STX11: variants seen among roughly 807,000 people sequenced by gnomAD.
STX11 encodes syntaxin-11.
In STX11, 21 loss-of-function variants were observed where a neutral mutation model predicts 19.9. The ratio of observed to expected loss-of-function variants is 1.06; its 90% confidence interval spans 0.75 to 1.52. The LOEUF (loss-of-function observed/expected upper bound fraction) is 1.52, where lower values mean the gene tolerates loss of function less well. Ranked by LOEUF, STX11 falls within the 40% of genes most tolerant of loss-of-function variation. STX11 has a pLI of 0.00. For synonymous variants in STX11, 193 were observed against 174.4 expected (o/e 1.11, Z -0.84); for missense variants, 438 against 405.9 (o/e 1.08, Z -0.68).
chr6:144,186,263 A>G (rs1479998997), intron 1 of STX11, among the ~76,000 whole-genome samples: 1 of 150,924 alleles, frequency 6.6e-6, no homozygotes, highest in Non-Finnish European at 1.5e-5. Flanking sequence ...ACAGGTATAC[A>G]TATGTAACAA....
rs905810219 is a variant in STX11, at chr6:144,167,862, C to T, written c.-6+17159C>T. 1.3e-5 allele frequency among the ~76,000 whole-genome samples: 2 copies of T among 152,178 alleles called. No homozygotes were observed. Among genetic ancestry groups the T allele is most frequent in the African/African-American group, 4.8e-5 (2 of 41,440 alleles). Reference sequence around the variant, plus strand: ...TCTTGAACTCCTTGACTCAAACAGCCTGCCTGCCTAAGCCTCCCAAAGTGC... The same window carrying T: ...TCTTGAACTCCTTGACTCAAACAGCTTGCCTGCCTAAGCCTCCCAAAGTGC... On this transcript the variant is annotated intron_variant, in intron 1 of 1. Coordinates refer to ENST00000367568, the MANE Select transcript of STX11 (RefSeq NM_003764.4). This position sits in a 1 kb window ranked among gnomAD's most constrained non-coding sequence, Gnocchi z 5.0.
chr6:144,184,778 C>T lies in STX11; in HGVS notation c.-5-1845C>T, dbSNP rs906428949. 4.1e-4 allele frequency among the ~76,000 whole-genome samples: 63 copies of T among 152,132 alleles called. No homozygotes were observed. Among genetic ancestry groups the T allele is most frequent in the Admixed American group, 3.6e-3 (55 of 15,274 alleles). ...GAAAATATCAGGCATATATAACATA[C>T]GTTTATGTTCTCTGTCATTTACATC... On this transcript the variant is annotated intron_variant, in intron 1 of 1. Coordinates refer to ENST00000367568, the MANE Select transcript of STX11 (RefSeq NM_003764.4). This position sits in a 1 kb window ranked among gnomAD's most constrained non-coding sequence, Gnocchi z 6.5.
At chr6:144,163,204 A>G (rs573165123) in intron 1 of STX11, among the ~76,000 whole-genome samples, 1 of 152,304 alleles carries the variant, frequency 6.6e-6, no homozygotes, top group Non-Finnish European at 1.5e-5. Flanking sequence ...TTTGGTTTCA[A>G]CTGTGTCTAC....
rs1222883956 is a variant in STX11 at position 144,172,055 on chromosome 6, T to C, written c.-5-14568T>C. 6.6e-6 allele frequency among the ~76,000 whole-genome samples: 1 copy of C among 152,210 alleles called. No individual in the cohort carries two copies. The highest frequency in any genetic ancestry group is 2.4e-5 in the African/African-American group (1 of 41,462). On this transcript the variant is annotated intron_variant, in intron 1 of 1. Coordinates refer to ENST00000367568, the MANE Select transcript of STX11 (RefSeq NM_003764.4). The surrounding 1 kb of genome is among the most constrained non-coding windows in gnomAD (Gnocchi z 4.2). The stretch of plus-strand genomic sequence containing the variant: ...GAATTTACTTTCCAGAAATTATAAT[T>C]TATCCATGATTCACAGCAGCCTCCA...
chr6:144,187,006 A>T lies in STX11; in HGVS notation c.379A>T (p.Ile127Phe). Residue 127 changes from isoleucine to phenylalanine, a missense_variant, in exon 2 of 2, where the codon ATT (isoleucine) becomes TTT (phenylalanine). Transcript: ENST00000367568. This position sits in a 1 kb window ranked among gnomAD's most constrained non-coding sequence, Gnocchi z 5.6. Reference protein sequence around the residue: ...QHGPHSAVARISRAQYNALTL... With the variant: ...QHGPHSAVARFSRAQYNALTL... ...CGGCCCGCACTCGGCAGTGGCGCGCATTTCGCGGGCGCAGTACAACGCGCT... is the reference window on the plus strand; with the variant it reads ...CGGCCCGCACTCGGCAGTGGCGCGCTTTTCGCGGGCGCAGTACAACGCGCT... The T allele has an allele frequency of 1.2e-6, 2 of 1,610,992 alleles. No individual in the cohort carries two copies. Among genetic ancestry groups the T allele is most frequent in the Non-Finnish European group, 1.7e-6 (2 of 1,179,754 alleles).
chr6:144,186,054 CTTTT>C (rs59082171), intron 1 of STX11, among the ~76,000 whole-genome samples: 1 of 138,290 alleles, frequency 7.2e-6, no homozygotes, highest in Non-Finnish European at 1.6e-5. Context: ...CTTCTTTTTT[CTTTT>C]TTTTTTTTTC....
rs148176592 is a variant in STX11 at position 144,191,561 on chromosome 6, C to A, written c.*4070C>A. On this transcript the variant is annotated 3_prime_UTR_variant, in exon 2 of 2. Coordinates refer to ENST00000367568, the MANE Select transcript of STX11 (RefSeq NM_003764.4). ...AAAAAAAAAATAGGGTAACTATAGTCTTGATTTTTATGTATAAATTCTATC... is the reference window on the plus strand; with the variant it reads ...AAAAAAAAAATAGGGTAACTATAGTATTGATTTTTATGTATAAATTCTATC... 2.4e-3 allele frequency among the ~76,000 whole-genome samples: 364 copies of A among 151,450 alleles called. 2 individuals are homozygous for A. Among genetic ancestry groups the A allele is most frequent in the African/African-American group, 7.9e-3 (325 of 41,258 alleles).
intron 1 of STX11, among the ~76,000 whole-genome samples, chr6:144,164,419 G>T (rs1019712477): frequency 1.3e-5 from 2 of 152,144 alleles, no homozygotes; most frequent in Non-Finnish European, 2.9e-5. Flanking sequence ...CATGATTTCT[G>T]GGAATGATTC....
At chr6:144,161,475 C>A (rs903993300) in intron 1 of STX11, among the ~76,000 whole-genome samples, 3 of 152,164 alleles carry the variant, frequency 2.0e-5, no homozygotes, top group Admixed American at 1.3e-4. Flanking sequence ...TCAAGCAATT[C>A]TCATGCCTCA....
upstream of STX11, among the ~76,000 whole-genome samples, chr6:144,145,844 T>C (rs1800863563): frequency 6.6e-6 from 1 of 152,032 alleles, no homozygotes; most frequent in South Asian, 2.1e-4. Flanking sequence ...GTGCAAAGTT[T>C]TAGTTGGGAA....
At position 144,172,416 on chromosome 6, in the gene STX11, G is replaced by A. The variant is rs1443461817; in HGVS notation, c.-5-14207G>A. 1.3e-5 allele frequency among the ~76,000 whole-genome samples: 2 copies of A among 152,150 alleles called. No individual in the cohort carries two copies. Among genetic ancestry groups the A allele is most frequent in the East Asian group, 3.9e-4 (2 of 5,190 alleles). On this transcript the variant is annotated intron_variant, in intron 1 of 1. Transcript: ENST00000367568. The surrounding 1 kb of genome is among the most constrained non-coding windows in gnomAD (Gnocchi z 4.2). Reference sequence around the variant, plus strand: ...TAATGGTTTCAGTGTTCCCAGAGCAGATAAGCCCCAAGGTGCTAGTGCTGT... The same window carrying A: ...TAATGGTTTCAGTGTTCCCAGAGCAAATAAGCCCCAAGGTGCTAGTGCTGT...
chr6:144,168,331 C>A (rs1312458013), intron 1 of STX11, among the ~76,000 whole-genome samples: 2 of 152,206 alleles, frequency 1.3e-5, no homozygotes, highest in African/African-American at 4.8e-5. Flanking sequence ...GTTATACATG[C>A]ACGCTGCTCT....
rs1801742547 is a variant in STX11, at chr6:144,174,999, A to G, written c.-5-11624A>G. Among the ~76,000 whole-genome samples, 1 of 151,926 alleles carries G rather than the reference A, an allele frequency of 6.6e-6. No homozygotes were observed. Among genetic ancestry groups the G allele is most frequent in the Non-Finnish European group, 1.5e-5 (1 of 67,954 alleles). On this transcript the variant is annotated intron_variant, in intron 1 of 1. Coordinates refer to ENST00000367568, the MANE Select transcript of STX11 (RefSeq NM_003764.4). This position sits in a 1 kb window ranked among gnomAD's most constrained non-coding sequence, Gnocchi z 5.3. The stretch of plus-strand genomic sequence containing the variant: ...GATATAAAAATTAGCCCGCAGTCCC[A>G]GCTACTCGGGAGGCTGAGGCGGGTG...
chr6:144,178,802 G>A (rs1801834232), intron 1 of STX11, among the ~76,000 whole-genome samples: 2 of 151,496 alleles, frequency 1.3e-5, no homozygotes, highest in African/African-American at 4.8e-5. Flanking sequence ...AATATTAAAT[G>A]CGTTCTTGCC....
At position 144,159,552 on chromosome 6, in the gene STX11, G is replaced by C. The variant is rs149183423; in HGVS notation, c.-6+8849G>C. On this transcript the variant is annotated intron_variant, in intron 1 of 1. Coordinates refer to ENST00000367568, the MANE Select transcript of STX11 (RefSeq NM_003764.4). The surrounding 1 kb of genome is among the most constrained non-coding windows in gnomAD (Gnocchi z 4.3). Reference sequence around the variant, plus strand: ...TGTGTGTGTGTCCGTCCAGTATGTGGAAAAAGACAGTACAGGAAAATGACG... The same window carrying C: ...TGTGTGTGTGTCCGTCCAGTATGTGCAAAAAGACAGTACAGGAAAATGACG... Among the ~76,000 whole-genome samples, 2,241 of 152,070 alleles carry C rather than the reference G, an allele frequency of 0.015. 34 individuals carry two copies. The highest frequency in any genetic ancestry group is 0.02 in the Non-Finnish European group (1,342 of 68,002).
Position 144,189,811 on chromosome 6 carries a change from T to C in STX11, c.*2320T>C, listed in dbSNP as rs548333071. On this transcript the variant is annotated 3_prime_UTR_variant, in exon 2 of 2. Transcript: ENST00000367568. The stretch of plus-strand genomic sequence containing the variant: ...TCTCCCAATTTCTTTTTCAGCCAAC[T>C]CCAAGGATATGTATCACCTTTGACT... 3.3e-5 allele frequency among the ~76,000 whole-genome samples: 5 copies of C among 152,272 alleles called. No individual in the cohort carries two copies. The highest frequency in any genetic ancestry group is 7.4e-5 in the Non-Finnish European group (5 of 68,024).
At chr6:144,171,829 T>G (rs1801646529) in intron 1 of STX11, among the ~76,000 whole-genome samples, 1 of 152,194 alleles carries the variant, frequency 6.6e-6, no homozygotes, top group African/African-American at 2.4e-5. Context: ...TTAAAAAATG[T>G]GTACGCTTTA....
At chr6:144,164,071 T>A (rs1801415269) in intron 1 of STX11, among the ~76,000 whole-genome samples, 1 of 152,222 alleles carries the variant, frequency 6.6e-6, no homozygotes, top group African/African-American at 2.4e-5. Flanking sequence ...CCTCATCATA[T>A]CATGCCTGGC....
At chr6:144,161,899 C>T (rs1033507121) in intron 1 of STX11, among the ~76,000 whole-genome samples, 1 of 152,142 alleles carries the variant, frequency 6.6e-6, no homozygotes, top group African/African-American at 2.4e-5. Flanking sequence ...ATTTTTTCAA[C>T]TCTTTTTTCT....
Sources: allele counts gnomAD v4.1 joint callset (sites outside exome capture counted in the v4.1 genomes callset), GRCh38; gene constraint gnomAD v4.1.1; non-coding constraint Gnocchi (gnomAD v3.1); transcripts MANE v1.5; gene names NCBI Gene and HGNC (gene_info 2026-07-23, HGNC 2026-07-21).